Variants in DSTYK observed in about 807,000 individuals in gnomAD.
DSTYK encodes RIP-homologous kinase.
Under a neutral mutation model 98.7 loss-of-function variants are expected in DSTYK, and 34 were observed. The ratio of observed to expected loss-of-function variants is 0.34; its 90% CI spans 0.26 to 0.46. The LOEUF (loss-of-function observed/expected upper bound fraction) is 0.46. Among genes scored for constraint, DSTYK ranks in the 20% least tolerant of loss-of-function variants. The pLI, the probability that DSTYK is intolerant of heterozygous loss-of-function variation, is 1.00. For synonymous variants in DSTYK, 462 were observed against 457.3 expected (o/e 1.01, Z -0.13); for missense variants, 962 against 1,181.7 (o/e 0.81, Z 2.73).
intron 3 of DSTYK, 95 bp from the exon 4 acceptor site, chr1:205,164,050 C>A: frequency 1.0e-6 from 1 of 1,004,912 alleles, no homozygotes; most frequent in Non-Finnish European, 1.5e-6. Context: ...ATGGAACTAC[C>A]GTGATGATGA....
chr1:205,186,088 G>A (rs1469595771), intron 2 of DSTYK, among the ~76,000 whole-genome samples: 1 of 152,098 alleles, frequency 6.6e-6, no homozygotes, highest in Non-Finnish European at 1.5e-5. Flanking sequence ...GCTATTGGAA[G>A]CTTGAAGGAA....
rs1431714697 is a variant in DSTYK, at chr1:205,187,372, G to A, written c.654+46C>T. 2.0e-6 allele frequency: 3 copies of A among 1,524,764 alleles called. No homozygotes were observed. The African/African-American group carries it at 4.2e-5, about 21-fold the overall frequency. The allele number at this position is 1,524,764 out of a possible 1,614,324, so 94.5% of individuals were successfully genotyped here. A position where few individuals can be genotyped will look rare whatever the true frequency, so the allele number is the denominator to read the frequency against. On this transcript the variant is annotated intron_variant, in intron 2 of 12. Transcript: ENST00000367162. ...TTTAGAAAGTCAAAATAAAAGGAAA[G>A]CTGGTATATATGTATACAATTGGTA...
At chr1:205,174,499 T>A (rs1254893597) in intron 2 of DSTYK, among the ~76,000 whole-genome samples, 5 of 123,802 alleles carry the variant, frequency 4.0e-5, no homozygotes, top group Non-Finnish European at 6.5e-5. Context: ...GGTGACAGAG[T>A]GAGACTCCGT....
chr1:205,189,890 T>C (rs1658660957), intron 1 of DSTYK, among the ~76,000 whole-genome samples: 1 of 152,194 alleles, frequency 6.6e-6, no homozygotes, highest in Admixed American at 6.5e-5. Context: ...TATAATTCTG[T>C]GCAAGGGTAT....
chr1:205,162,658 CT>C (rs1210463502), intron 5 of DSTYK, among the ~76,000 whole-genome samples: 1 of 152,078 alleles, frequency 6.6e-6, no homozygotes. Context: ...TATCATTTAT[CT>C]TTTTTTTCTA....
chr1:205,149,228 A>C (rs1657333883), intron 11 of DSTYK, among the ~76,000 whole-genome samples: 1 of 151,844 alleles, frequency 6.6e-6, no homozygotes, highest in Non-Finnish European at 1.5e-5. Flanking sequence ...TAAGTAAATC[A>C]AGAGAAAGAA....
At chr1:205,183,897 G>T (rs1278794119) in intron 2 of DSTYK, among the ~76,000 whole-genome samples, 1 of 152,136 alleles carries the variant, frequency 6.6e-6, no homozygotes, top group Admixed American at 6.5e-5. Flanking sequence ...AGAACTACAG[G>T]GATCTGGTAT....
chr1:205,186,567 C>T (rs1049069759), intron 2 of DSTYK, among the ~76,000 whole-genome samples: 1 of 152,182 alleles, frequency 6.6e-6, no homozygotes, highest in African/African-American at 2.4e-5. Flanking sequence ...GCCCATCCTT[C>T]CTGGCACAGT....
chr1:205,145,797 G>A lies in DSTYK; in HGVS notation c.*1761C>T, dbSNP rs1196964482. 2 of 152,132 alleles carry A rather than the reference G, an allele frequency of 1.3e-5. No individual in the cohort carries two copies. Among genetic ancestry groups the A allele is most frequent in the Non-Finnish European group, 2.9e-5 (2 of 68,032 alleles). The allele number at this position is 152,132 out of a possible 1,614,324, so 9.4% of individuals were successfully genotyped here. On this transcript the variant is annotated 3_prime_UTR_variant, in exon 13 of 13. Coordinates refer to ENST00000367162, the MANE Select transcript of DSTYK (RefSeq NM_015375.3). ...GTTATTGGGGATTAGGCAGATGGAG[G>A]GAGACTACTCACTTCCACTGTCTAC...
Position 205,147,395 on chromosome 1 carries a change from A to T in DSTYK, c.*163T>A. On this transcript the variant is annotated 3_prime_UTR_variant, in exon 13 of 13. Coordinates refer to ENST00000367162, the MANE Select transcript of DSTYK (RefSeq NM_015375.3). ...AATATGCTCAGTCATTCAACTCTTC[A>T]CTGTCCAGGAGTCATCCCTGCCTGG... 1 of 602,456 alleles carries T rather than the reference A, an allele frequency of 1.7e-6. No individual in the cohort carries two copies. Among genetic ancestry groups the T allele is most frequent in the Non-Finnish European group, 2.7e-6 (1 of 366,906 alleles). 37.3% of individuals were successfully genotyped at this position (602,456 alleles called of 1,614,324 possible). A position where few individuals can be genotyped will look rare whatever the true frequency, so the allele number is the denominator to read the frequency against.
chr1:205,168,418 A>G (rs543202116), intron 3 of DSTYK, among the ~76,000 whole-genome samples: 3 of 152,340 alleles, frequency 2.0e-5, no homozygotes, highest in African/African-American at 7.2e-5. Flanking sequence ...TTTTAAAAAT[A>G]CTGATGCTGG....
intron 12 of DSTYK, among the ~76,000 whole-genome samples, 177 bp downstream of exon 12, chr1:205,148,028 G>A (rs892155189): frequency 1.1e-4 from 16 of 152,334 alleles, no homozygotes; most frequent in African/African-American, 3.8e-4. Context: ...TCAATAGAGA[G>A]TTGACTTGAA....
At chr1:205,171,479 C>CTTTGAGT (rs1658063350) in intron 2 of DSTYK, among the ~76,000 whole-genome samples, 1 of 144,392 alleles carries the variant, frequency 6.9e-6, no homozygotes. Flanking sequence ...AAAAAAAGAT[C>CTTTGAGT]TTTGAGGTTT....
chr1:205,159,396 C>A, intron 9 of DSTYK, 151 bp downstream of exon 9: 1 of 1,093,104 alleles, frequency 9.1e-7, no homozygotes, highest in Non-Finnish European at 1.3e-6. Flanking sequence ...GCTGAGAAAT[C>A]TTTAAGGGTT....
chr1:205,186,838 A>C (rs1340244355), intron 2 of DSTYK, among the ~76,000 whole-genome samples: 1 of 152,226 alleles, frequency 6.6e-6, no homozygotes, highest in Non-Finnish European at 1.5e-5. Context: ...TCTTCAAATA[A>C]CAGGATCTCC....
At chr1:205,149,610 A>C (rs532090800) in intron 11 of DSTYK, among the ~76,000 whole-genome samples, 1 of 152,310 alleles carries the variant, frequency 6.6e-6, no homozygotes, top group South Asian at 2.1e-4. Flanking sequence ...CAGCTTAATC[A>C]TGGAGGCAAC....
At chr1:205,200,792 A>T (rs1659009270) in intron 1 of DSTYK, among the ~76,000 whole-genome samples, 1 of 152,196 alleles carries the variant, frequency 6.6e-6, no homozygotes, top group Admixed American at 6.5e-5. Flanking sequence ...GTCTACTGGT[A>T]TTGCATGCAA....
chr1:205,204,385 A>G (rs188244525), intron 1 of DSTYK, among the ~76,000 whole-genome samples: 34 of 151,982 alleles, frequency 2.2e-4, no homozygotes, highest in African/African-American at 8.0e-4. Flanking sequence ...TCTGTCCCAC[A>G]TTCCATCTTT....
At position 205,166,667 on chromosome 1, in the gene DSTYK, C is replaced by T. The variant is rs555661008; in HGVS notation, c.1324+2496G>A. Among the ~76,000 whole-genome samples the T allele has an allele frequency of 7.9e-5, 12 of 152,256 alleles. No homozygotes were observed. In the South Asian group the frequency reaches 2.5e-3, roughly 32 times the overall value. On this transcript the variant is annotated intron_variant, in intron 3 of 12. Transcript: ENST00000367162. ...GCAGTGATGCTCTGGTGTCTTTAATCAAATATTGAGAAGACTTCCTAAGAT... is the reference window on the plus strand; with the variant it reads ...GCAGTGATGCTCTGGTGTCTTTAATTAAATATTGAGAAGACTTCCTAAGAT...
Sources: gnomAD v4.1 joint callset for allele counts (sites outside exome capture counted in the v4.1 genomes callset) on GRCh38, gnomAD v4.1.1 for gene constraint, MANE v1.5 for transcripts, NCBI Gene and HGNC (gene_info 2026-07-23, HGNC 2026-07-21) for gene names.